PGM2: variants seen among roughly 807,000 people sequenced by gnomAD.
PGM2 encodes phosphoglucomutase 2.
In PGM2, 57 loss-of-function variants were observed where a neutral mutation model predicts 74.6. That is an observed-to-expected ratio of 0.76 (90% confidence interval 0.62 to 0.95). The LOEUF is 0.95. PGM2 is among the 40% of genes least tolerant of loss of function. The probability of loss-of-function intolerance (pLI) is 0.00; values close to 1 mark genes in which losing one functional copy is unlikely to be tolerated. For missense variants in PGM2, 706 were observed against 741.9 expected (o/e 0.95, Z 0.56); for synonymous variants, 273 against 260.7 (o/e 1.05, Z -0.46).
At chr4:37,856,320 G>T (rs553222049) in intron 13 of PGM2, among the ~76,000 whole-genome samples, 3 of 152,168 alleles carry the variant, frequency 2.0e-5, no homozygotes, top group Admixed American at 6.6e-5. Flanking sequence ...GGTAGGCGGA[G>T]CTTGCAGTGA....
chr4:37,861,689 G>T lies in PGM2; in HGVS notation c.*77G>T, dbSNP rs773537514. On this transcript the variant is annotated 3_prime_UTR_variant, in exon 14 of 14. Coordinates refer to ENST00000381967, the MANE Select transcript of PGM2 (RefSeq NM_018290.4). ...AACTTGTTAAGCAATATTTTTAAGG[G>T]CCAAATGATTCAAAACATCACAGGT... is the stretch of plus-strand genomic sequence containing the variant. 17 of 862,098 alleles carry T rather than the reference G, an allele frequency of 2.0e-5. No homozygotes were observed. The highest frequency in any genetic ancestry group is 3.0e-5 in the Non-Finnish European group (15 of 500,588). 53.4% of individuals were successfully genotyped at this position (862,098 alleles called of 1,614,324 possible).
At chr4:37,838,895 G>A (rs1264434603) in intron 4 of PGM2, among the ~76,000 whole-genome samples, 1 of 152,116 alleles carries the variant, frequency 6.6e-6, no homozygotes, top group Non-Finnish European at 1.5e-5. Flanking sequence ...TTCAATGACT[G>A]CAGTGATTCT....
Position 37,847,102 on chromosome 4 carries a change from T to A in PGM2, c.1179T>A (p.Phe393Leu). 1 of 1,613,092 alleles carries A rather than the reference T, an allele frequency of 6.2e-7. No homozygotes were observed. The highest frequency in any genetic ancestry group is 8.5e-7 in the Non-Finnish European group (1 of 1,179,242). The stretch of plus-strand genomic sequence containing the variant: ...GGGCCATTGCCTTAAAGGAAGGTTT[T>A]CATTTTGAGGTAGGGTGTTTCTGGG... Reference protein sequence around the residue: ...ILRAIALKEGFHFEETLTGFK... With the variant: ...ILRAIALKEGLHFEETLTGFK... Residue 393 changes from phenylalanine (F) to leucine (L), a missense_variant, in exon 9 of 14, where the codon TTT (phenylalanine) becomes TTA (leucine). Physicochemically the swap from Phe to Leu is conservative, Grantham distance 22 (BLOSUM62 0). This residue lies in a region of PGM2 where 359 missense variants were observed against 371.1 expected (regional missense o/e 0.97). Transcript: ENST00000381967.
Position 37,839,625 on chromosome 4 carries a change from C to T in PGM2, c.442-223C>T, listed in dbSNP as rs113652822. The T allele has an allele frequency of 1.4e-4, 91 of 658,396 alleles. No homozygotes were observed. In the African/African-American group the frequency reaches 1.4e-3, roughly 10 times the overall value. The allele number at this position is 658,396 out of a possible 1,614,324, so 40.8% of individuals were successfully genotyped here. On this transcript the variant is annotated intron_variant, in intron 4 of 13. Transcript: ENST00000381967. ...GAATGAGAAGGCACTGAGGAAATTA[C>T]TCACCTTTCTTATTAGGAAATACAT... is the stretch of plus-strand genomic sequence containing the variant.
intron 11 of PGM2, 65 bp downstream of exon 11, chr4:37,848,716 C>T: frequency 8.6e-7 from 1 of 1,159,192 alleles, no homozygotes; most frequent in Non-Finnish European, 1.3e-6. Context: ...TATACTTATG[C>T]ATGAGATACT....
At chr4:37,845,847 A>G (rs1577678717) in intron 8 of PGM2, 117 bp downstream of exon 8, 1 of 702,746 alleles carries the variant, frequency 1.4e-6, no homozygotes, top group East Asian at 2.7e-5. Flanking sequence ...TATTTTGCAA[A>G]TGATCATTTC....
intron 10 of PGM2, chr4:37,847,529 A>T (rs1031386108): frequency 1.9e-5 from 9 of 463,268 alleles, no homozygotes; most frequent in Middle Eastern, 6.3e-4. Context: ...ATGACTCAAA[A>T]CAGTGACATT....
chr4:37,852,291 G>C (rs1265867885), intron 12 of PGM2, among the ~76,000 whole-genome samples: 1 of 149,068 alleles, frequency 6.7e-6, no homozygotes, highest in East Asian at 2.0e-4. Flanking sequence ...TAGTTGCTTT[G>C]TTCTTCCATT....
Position 37,862,198 on chromosome 4 carries a change from A to G in PGM2, c.*586A>G, listed in dbSNP as rs1711801009. ...TTGAACTAAATTTTTTTTAGTTCTA[A>G]TAATGCACATAGGATATTAGTACAT... is the stretch of plus-strand genomic sequence containing the variant. On this transcript the variant is annotated 3_prime_UTR_variant, in exon 14 of 14. Coordinates refer to ENST00000381967, the MANE Select transcript of PGM2 (RefSeq NM_018290.4). 1 of 152,470 alleles carries G rather than the reference A, an allele frequency of 6.6e-6. No homozygotes were observed. Among genetic ancestry groups the G allele is most frequent in the African/African-American group, 2.4e-5 (1 of 41,460 alleles). 9.4% of individuals were successfully genotyped at this position (152,470 alleles called of 1,614,324 possible).
intron 3 of PGM2, 69 bp downstream of exon 3, chr4:37,834,793 C>T: frequency 1.3e-6 from 1 of 750,400 alleles, no homozygotes; most frequent in Non-Finnish European, 2.3e-6. Flanking sequence ...ATCACCATCT[C>T]AATAACTTGA....
At chr4:37,829,872 A>ATT (rs111492829) in intron 1 of PGM2, 92 bp from the exon 2 acceptor site, 29 of 470,440 alleles carry the variant, frequency 6.2e-5, no homozygotes, top group Middle Eastern at 6.2e-4. Flanking sequence ...ATATATATAT[A>ATT]TTTTCTATAG....
chr4:37,849,298 AG>A (rs1386931432), intron 11 of PGM2, among the ~76,000 whole-genome samples: 1 of 152,080 alleles, frequency 6.6e-6, no homozygotes, highest in African/African-American at 2.4e-5. Context: ...GTAGTGCGTA[AG>A]CATCCAAAGA....
Position 37,838,139 on chromosome 4 carries a change from C to T in PGM2, c.441+526C>T, listed in dbSNP as rs143631217. On this transcript the variant is annotated intron_variant, in intron 4 of 13. Transcript: ENST00000381967. ...CAGGTGATCCACCCAGCTTGGCCTC[C>T]GGAAGTGCTGGGATTACAGGCATGA... is the stretch of plus-strand genomic sequence containing the variant. 6.7e-3 allele frequency among the ~76,000 whole-genome samples: 1,024 copies of T among 152,274 alleles called. 22 individuals carry two copies. Among genetic ancestry groups the T allele is most frequent in the African/African-American group, 0.023 (957 of 41,552 alleles).
chr4:37,840,513 G>T (rs1725680226), intron 6 of PGM2, among the ~76,000 whole-genome samples: 1 of 152,200 alleles, frequency 6.6e-6, no homozygotes, highest in Non-Finnish European at 1.5e-5. Flanking sequence ...CTCCCAAGTA[G>T]CTGGTATCAC....
chr4:37,832,707 A>G (rs557602033), intron 2 of PGM2, among the ~76,000 whole-genome samples: 1 of 152,334 alleles, frequency 6.6e-6, no homozygotes, highest in South Asian at 2.1e-4. Context: ...GTCCTCTGAA[A>G]GAGGCCATTC....
At chr4:37,841,100 A>ATATATATATATATATATATATG (rs1202149456) in intron 6 of PGM2, among the ~76,000 whole-genome samples, 38 of 115,716 alleles carry the variant, frequency 3.3e-4, no homozygotes, top group Admixed American at 1.1e-3. Context: ...ATATATATAT[A>ATATATATATATATATATATATG]TGTGTGTGTG....
chr4:37,843,519 T>C (rs1725784717), intron 6 of PGM2, among the ~76,000 whole-genome samples: 1 of 152,168 alleles, frequency 6.6e-6, no homozygotes, highest in African/African-American at 2.4e-5. Flanking sequence ...TGGTATCTGT[T>C]GTTAGTCTGT....
chr4:37,847,371 C>G, intron 10 of PGM2, 76 bp downstream of exon 10: 4 of 1,035,244 alleles, frequency 3.9e-6, no homozygotes, highest in Non-Finnish European at 5.9e-6. Flanking sequence ...TTCAAAGATC[C>G]ACAGTGAAAC....
chr4:37,836,916 T>G (rs1211100280), intron 3 of PGM2, among the ~76,000 whole-genome samples: 1 of 152,140 alleles, frequency 6.6e-6, no homozygotes, highest in Non-Finnish European at 1.5e-5. Context: ...TGTCTTTATA[T>G]TTCAAATAAA....
Sources: allele counts gnomAD v4.1 joint callset (sites outside exome capture counted in the v4.1 genomes callset), GRCh38; gene constraint gnomAD v4.1.1; regional missense constraint gnomAD v4.1.1; transcripts MANE v1.5; gene names NCBI Gene and HGNC (gene_info 2026-07-23, HGNC 2026-07-21).